Variants in SFRP1 observed in about 807,000 individuals in gnomAD.
SFRP1 encodes secreted frizzled-related protein 1.
In SFRP1, 9 loss-of-function variants were observed where a neutral mutation model predicts 25.9. The ratio of observed to expected loss-of-function variants is 0.35; its 90% CI spans 0.21 to 0.61. The LOEUF (loss-of-function observed/expected upper bound fraction) is 0.61. Ranked by LOEUF, SFRP1 falls within the 20% of genes least tolerant of loss-of-function variation. SFRP1 has a pLI of 0.78. For synonymous variants in SFRP1, 178 were observed against 174.0 expected (o/e 1.02, Z -0.18); for missense variants, 346 against 418.2 (o/e 0.83, Z 1.51).
Position 41,263,690 on chromosome 8 carries a change from A to G in SFRP1, c.*1477T>C, listed in dbSNP as rs1803400848. ...TTCCTGTACATTGGACAAGAAGGGT[A>G]AAGTTGTCTAAGTGAACTGGCTTAT... On this transcript the variant is annotated 3_prime_UTR_variant, in exon 3 of 3. Transcript: ENST00000220772. 1 of 152,246 alleles carries G rather than the reference A, an allele frequency of 6.6e-6. No individual in the cohort carries two copies. Among genetic ancestry groups the G allele is most frequent in the East Asian group, 1.9e-4 (1 of 5,202 alleles). 9.4% of individuals were successfully genotyped at this position (152,246 alleles called of 1,614,324 possible).
At chr8:41,290,354 C>A (rs1803760413) in intron 2 of SFRP1, among the ~76,000 whole-genome samples, 2 of 152,240 alleles carry the variant, frequency 1.3e-5, no homozygotes, top group South Asian at 4.1e-4. Context: ...TGGGCTAACC[C>A]AGCCCTGAAG....
intron 2 of SFRP1, among the ~76,000 whole-genome samples, chr8:41,278,360 T>C (rs973438509): frequency 6.6e-6 from 1 of 152,204 alleles, no homozygotes; most frequent in African/African-American, 2.4e-5. Flanking sequence ...CACATTTTAG[T>C]GGATTAGACT....
intron 2 of SFRP1, among the ~76,000 whole-genome samples, chr8:41,285,984 C>T (rs1204640457): frequency 6.6e-6 from 1 of 150,790 alleles, no homozygotes; most frequent in Non-Finnish European, 1.5e-5. Context: ...GCAACGTTTC[C>T]ACTCCAACCC....
In SFRP1 at chr8:41,306,663, C is replaced by T. The variant is rs540344001; in HGVS notation, c.544+1953G>A. On this transcript the variant is annotated intron_variant, in intron 1 of 2. Transcript: ENST00000220772. ...ACCAGTCCCAAGCCCCACTCCCGAC[C>T]GGCCCTCTCCCCACTTTTCTCTTTG... The T allele has an allele frequency of 2.8e-5, 44 of 1,566,368 alleles. No homozygotes were observed. In the Admixed American group the frequency reaches 4.8e-4, roughly 17 times the overall value.
In SFRP1 at chr8:41,267,830, C is replaced by T. The variant is rs191428233; in HGVS notation, c.623-2341G>A. ...TGTTGTCCATGCTGACTCTATGGTT[C>T]CAAAATTCTTTAGAATGGACCCCAA... On this transcript the variant is annotated intron_variant, in intron 2 of 2. Transcript: ENST00000220772. 1.7e-4 allele frequency among the ~76,000 whole-genome samples: 26 copies of T among 152,202 alleles called. No homozygotes were observed. In the East Asian group the frequency reaches 4.4e-3, roughly 26 times the overall value.
chr8:41,278,825 C>A (rs939728649), intron 2 of SFRP1, among the ~76,000 whole-genome samples: 1 of 152,196 alleles, frequency 6.6e-6, no homozygotes, highest in African/African-American at 2.4e-5. Flanking sequence ...GGGCTGCTGG[C>A]CCCTTTGCTG....
Position 41,264,481 on chromosome 8 carries a change from G to A in SFRP1, c.*686C>T, listed in dbSNP as rs1337391493. 1 of 152,190 alleles carries A rather than the reference G, an allele frequency of 6.6e-6. No individual in the cohort carries two copies. Among genetic ancestry groups the A allele is most frequent in the African/African-American group, 2.4e-5 (1 of 41,432 alleles). 9.4% of individuals were successfully genotyped at this position (152,190 alleles called of 1,614,324 possible). A position where few individuals can be genotyped will look rare whatever the true frequency, so the allele number is the denominator to read the frequency against. On this transcript the variant is annotated 3_prime_UTR_variant, in exon 3 of 3. Transcript: ENST00000220772. ...GATCAGATCATGCCCCGGGCTCATA[G>A]GAACCGAAACTTTGGGGCATCTGAG...
At chr8:41,286,525 T>G (rs1051929316) in intron 2 of SFRP1, among the ~76,000 whole-genome samples, 4 of 152,150 alleles carry the variant, frequency 2.6e-5, no homozygotes, top group Admixed American at 2.6e-4. Context: ...GGTTCAGCCC[T>G]GGGCCTGGAC....
chr8:41,297,933 T>C (rs1197620440), intron 2 of SFRP1, among the ~76,000 whole-genome samples: 1 of 151,988 alleles, frequency 6.6e-6, no homozygotes, highest in East Asian at 1.9e-4. Context: ...GCTTGATGGG[T>C]GTGAGAGGAT....
chr8:41,298,773 C>G (rs1803874566), intron 2 of SFRP1, among the ~76,000 whole-genome samples: 1 of 151,984 alleles, frequency 6.6e-6, no homozygotes. Context: ...TCAAACATAC[C>G]CCATAAATAT....
At position 41,279,775 on chromosome 8, in the gene SFRP1, C is replaced by CAAAA. The variant is rs34101728; in HGVS notation, c.623-14290_623-14287dup. On this transcript the variant is annotated intron_variant, in intron 2 of 2. Coordinates refer to ENST00000220772, the MANE Select transcript of SFRP1 (RefSeq NM_003012.5). ...GTTCCAAAGTACAAAGCTAAGAAAG[C>CAAAA]AAAAAAAAAAAAAAACCTATGTCCA... Among the ~76,000 whole-genome samples, 51 of 111,382 alleles carry CAAAA rather than the reference C, an allele frequency of 4.6e-4. 1 individual carries two copies. Among genetic ancestry groups the CAAAA allele is most frequent in the African/African-American group, 1.4e-3 (49 of 34,210 alleles). The allele number at this position is 111,382 out of a possible 152,430, so 73.1% of individuals were successfully genotyped here. A position where few individuals can be genotyped will look rare whatever the true frequency, so the allele number is the denominator to read the frequency against.
chr8:41,303,893 G>A (rs967066601), intron 1 of SFRP1, among the ~76,000 whole-genome samples: 3 of 152,136 alleles, frequency 2.0e-5, no homozygotes, highest in African/African-American at 7.2e-5. Context: ...CCTGGTGTTT[G>A]TTTCCCATCC....
Position 41,265,476 on chromosome 8 carries a change from T to G in SFRP1, c.636A>C (p.Lys212Asn). 6.2e-7 allele frequency: 1 copy of G among 1,606,706 alleles called. No homozygotes were observed. Among genetic ancestry groups the G allele is most frequent in the Middle Eastern group, 1.7e-4 (1 of 5,906 alleles). Reference protein sequence around the residue: ...LCASEFALRMKIKEVKKENGD... With the variant: ...LCASEFALRMNIKEVKKENGD... Reference sequence around the variant, plus strand: ...CATTTTCTTTTTTCACTTCTTTTATTTTCATCCTCAGTGCTAGAGATGGAG... The same window carrying G: ...CATTTTCTTTTTTCACTTCTTTTATGTTCATCCTCAGTGCTAGAGATGGAG... Residue 212 changes from lysine to asparagine, a missense_variant, in exon 3 of 3, where the codon AAA becomes AAC. Lys to Asn is a moderately conservative substitution (Grantham distance 94). Transcript: ENST00000220772.
intron 2 of SFRP1, among the ~76,000 whole-genome samples, chr8:41,293,699 G>C (rs1803805768): frequency 6.6e-6 from 1 of 151,996 alleles, no homozygotes; most frequent in Non-Finnish European, 1.5e-5. Context: ...AAAGAGCAGA[G>C]ACAAAAAAGC....
intron 1 of SFRP1, among the ~76,000 whole-genome samples, chr8:41,305,397 G>A (rs1461332947): frequency 6.6e-6 from 1 of 152,182 alleles, no homozygotes; most frequent in East Asian, 1.9e-4. Flanking sequence ...ATTACATTTG[G>A]ACTTCAGTGC....
chr8:41,284,761 C>T (rs571335571), intron 2 of SFRP1, among the ~76,000 whole-genome samples: 27 of 152,334 alleles, frequency 1.8e-4, no homozygotes, highest in African/African-American at 6.5e-4. Context: ...GAGGCAGAGG[C>T]AAAGCCTCTG....
chr8:41,307,104 G>T, intron 1 of SFRP1: 1 of 1,153,760 alleles, frequency 8.7e-7, no homozygotes, highest in South Asian at 1.8e-5. Flanking sequence ...TGAGGAAGGG[G>T]AGAAGGAAAT....
intron 2 of SFRP1, among the ~76,000 whole-genome samples, chr8:41,290,884 G>GTTTTT (rs1395442969): frequency 7.3e-5 from 2 of 27,468 alleles, no homozygotes; most frequent in Admixed American, 6.8e-4. Context: ...CCTCTTCCTC[G>GTTTTT]TCTTTTTTTT....
intron 2 of SFRP1, among the ~76,000 whole-genome samples, chr8:41,299,162 C>T (rs1803881366): frequency 6.6e-6 from 1 of 151,614 alleles, no homozygotes; most frequent in African/African-American, 2.4e-5. Context: ...TCAGCTGGGA[C>T]TCACACCTCT....
Sources: allele counts gnomAD v4.1 joint callset (sites outside exome capture counted in the v4.1 genomes callset), GRCh38; gene constraint gnomAD v4.1.1; transcripts MANE v1.5; gene names NCBI Gene and HGNC (gene_info 2026-07-23, HGNC 2026-07-21).